MTERF3: variants seen among roughly 807,000 people sequenced by gnomAD.
MTERF3 encodes transcription termination factor 3, mitochondrial.
MTERF3 carries 40 observed loss-of-function variants against 40.5 expected under a neutral mutation model. The ratio of observed to expected loss-of-function variants is 0.99; its 90% CI spans 0.77 to 1.29. The LOEUF is 1.29. Ranked by LOEUF, MTERF3 falls within the 50% of genes most tolerant of loss-of-function variation. MTERF3 has a pLI of 0.00. For missense variants in MTERF3, 452 were observed against 478.2 expected (o/e 0.95, Z 0.51); for synonymous variants, 158 against 166.6 (o/e 0.95, Z 0.40).
rs141059975 is a variant in MTERF3 at position 96,241,460 on chromosome 8, G to A, written c.1060-1775C>T. Among the ~76,000 whole-genome samples, 37 of 151,722 alleles carry A rather than the reference G, an allele frequency of 2.4e-4. No individual in the cohort carries two copies. The East Asian group carries it at 7.1e-3, about 29-fold the overall frequency. On this transcript the variant is annotated intron_variant, in intron 7 of 7. Transcript: ENST00000287025. The stretch of plus-strand genomic sequence containing the variant: ...AAAAAAAAACTATCACCCAACAACA[G>A]ACAAAACCACAAATGGTTCTGGTGC...
chr8:96,244,659 C>T (rs1809991575), intron 6 of MTERF3, among the ~76,000 whole-genome samples: 3 of 151,958 alleles, frequency 2.0e-5, no homozygotes, highest in Admixed American at 2.0e-4. Flanking sequence ...CCTCGGCCTC[C>T]CATGCCAGGG....
Position 96,256,953 on chromosome 8 carries a change from CAA to C in MTERF3, c.487+7_487+8del, listed in dbSNP as rs1810289984. ...ATGCAAAAAGTACTTGTAGTTTAGT[CAA>C]ACTTACCTAGAAGAACCAACTTCTG... On this transcript the variant is annotated splice_region_variant and intron_variant, in intron 3 of 7. Coordinates refer to ENST00000287025, the MANE Select transcript of MTERF3 (RefSeq NM_015942.5). 1 of 1,590,288 alleles carries C rather than the reference CAA, an allele frequency of 6.3e-7. No individual in the cohort carries two copies. The highest frequency in any genetic ancestry group is 8.5e-7 in the Non-Finnish European group (1 of 1,173,070).
intron 2 of MTERF3, 194 bp downstream of exon 2, chr8:96,258,163 C>A: frequency 1.2e-6 from 1 of 803,044 alleles, no homozygotes; most frequent in Non-Finnish European, 1.5e-6. Flanking sequence ...AATAATCTTA[C>A]ACGTTAGCCC....
chr8:96,254,558 G>A (rs1256019119), intron 3 of MTERF3, among the ~76,000 whole-genome samples: 2 of 152,118 alleles, frequency 1.3e-5, no homozygotes, highest in East Asian at 1.9e-4. Flanking sequence ...AGGTTCATCC[G>A]TGTTGTTGCA....
intron 4 of MTERF3, among the ~76,000 whole-genome samples, chr8:96,250,662 GAAGAAGA>G (rs1810150458): frequency 3.1e-5 from 1 of 32,608 alleles, no homozygotes; most frequent in Admixed American, 2.9e-4. Flanking sequence ...AGAAGAAGAA[GAAGAAGA>G]AGAAGAAGAA....
Position 96,243,932 on chromosome 8 carries a change from A to C in MTERF3, c.1046T>G (p.Val349Gly). ...GAGTGGCATTACCTGTGGGAACTTG[A>C]CAATGATGTGGTGGGGAATGCTCAT... ...NVMSIPHHII[V>G]KFPQVFNTRL... is the part of the protein sequence containing the mutation. The change falls in exon 7 of 8, where the codon GTC becomes GGC. Residue 349 changes from valine to glycine, a missense_variant. Transcript: ENST00000287025. 6.2e-7 allele frequency: 1 copy of C among 1,613,882 alleles called. No individual in the cohort carries two copies. The highest frequency in any genetic ancestry group is 2.2e-5 in the East Asian group (1 of 44,870).
chr8:96,261,469 C>T (rs1266599967), intron 1 of MTERF3, 32 bp downstream of exon 1: 1 of 152,544 alleles, frequency 6.6e-6, no homozygotes, highest in Non-Finnish European at 1.5e-5. Context: ...GCCAGGAGCG[C>T]GATCCTCGTG....
Position 96,256,957 on chromosome 8 carries a change from C to G in MTERF3, c.487+5G>C, listed in dbSNP as rs762477508. 5.7e-6 allele frequency: 9 copies of G among 1,592,434 alleles called. No homozygotes were observed. Among genetic ancestry groups the G allele is most frequent in the Admixed American group, 1.9e-5 (1 of 53,852 alleles). On this transcript the variant is annotated splice_donor_5th_base_variant and intron_variant, in intron 3 of 7. Coordinates refer to ENST00000287025, the MANE Select transcript of MTERF3 (RefSeq NM_015942.5). Reference sequence around the variant, plus strand: ...AAAAAGTACTTGTAGTTTAGTCAAACTTACCTAGAAGAACCAACTTCTGCA... The same window carrying G: ...AAAAAGTACTTGTAGTTTAGTCAAAGTTACCTAGAAGAACCAACTTCTGCA...
At position 96,254,347 on chromosome 8, in the gene MTERF3, G is replaced by A. The variant is rs1810243620; in HGVS notation, c.487+2615C>T. On this transcript the variant is annotated intron_variant, in intron 3 of 7. Coordinates refer to ENST00000287025, the MANE Select transcript of MTERF3 (RefSeq NM_015942.5). Reference sequence around the variant, plus strand: ...CATTATTATTAACTACCATCATCATGCTGGACAATAGATCTCCAAAACTTA... The same window carrying A: ...CATTATTATTAACTACCATCATCATACTGGACAATAGATCTCCAAAACTTA... Among the ~76,000 whole-genome samples, 3 of 152,068 alleles carry A rather than the reference G, an allele frequency of 2.0e-5. No individual in the cohort carries two copies. The South Asian group carries it at 6.2e-4, about 32-fold the overall frequency.
intron 6 of MTERF3, among the ~76,000 whole-genome samples, chr8:96,244,894 C>T (rs953564441): frequency 1.7e-4 from 26 of 152,162 alleles, no homozygotes; most frequent in African/African-American, 4.3e-4. Context: ...GACATGGGAG[C>T]GCTGCAGGTC....
intron 4 of MTERF3, among the ~76,000 whole-genome samples, chr8:96,249,470 T>C (rs934057185): frequency 3.9e-5 from 6 of 152,238 alleles, no homozygotes; most frequent in Non-Finnish European, 2.9e-5. Context: ...TTCTGTATTG[T>C]GATAGACTAT....
intron 3 of MTERF3, among the ~76,000 whole-genome samples, chr8:96,252,692 G>T (rs1216293482): frequency 6.6e-6 from 1 of 152,182 alleles, no homozygotes. Flanking sequence ...ATGAAAACCA[G>T]TTCCAAAAAT....
rs140508000 is a variant in MTERF3, at chr8:96,257,034, A to G, written c.415T>C (p.Leu139=). ...EAIQIIADPP[L]PPASFTLRDY... ...CGAAGTGTGAATGAAGCTGGTGGCA[A>G]TGGAGGGTCTGCAATAATCTGAATA... The change falls in exon 3 of 8, where the codon TTG becomes CTG. Residue 139 remains leucine (L), a synonymous_variant. Coordinates refer to ENST00000287025, the MANE Select transcript of MTERF3 (RefSeq NM_015942.5). 301 of 1,614,076 alleles carry G rather than the reference A, an allele frequency of 1.9e-4. 1 individual carries two copies. The African/African-American group carries it at 3.0e-3, about 16-fold the overall frequency.
intron 7 of MTERF3, among the ~76,000 whole-genome samples, chr8:96,241,342 G>A (rs35335025): frequency 0.068 from 10,327 of 151,516 alleles, 383 homozygotes; most frequent in Non-Finnish European, 0.083. Context: ...CCCGGGAGGC[G>A]GCGGTTGCAC....
chr8:96,258,256 C>T lies in MTERF3; in HGVS notation c.334+101G>A, dbSNP rs1810316774. On this transcript the variant is annotated intron_variant, in intron 2 of 7. Transcript: ENST00000287025. ...TGGTATTATTCTTTTTCTTTCTTGGCACAAAATATTACCTGAAATGGGCTA... is the reference window on the plus strand; with the variant it reads ...TGGTATTATTCTTTTTCTTTCTTGGTACAAAATATTACCTGAAATGGGCTA... 3 of 1,430,140 alleles carry T rather than the reference C, an allele frequency of 2.1e-6. No homozygotes were observed. In the Admixed American group the frequency reaches 8.5e-5, roughly 41 times the overall value. 88.6% of individuals were successfully genotyped at this position (1,430,140 alleles called of 1,614,324 possible). A position where few individuals can be genotyped will look rare whatever the true frequency, so the allele number is the denominator to read the frequency against.
At chr8:96,250,649 A>AGAGGAAGAAGAG (rs1810145257) in intron 4 of MTERF3, among the ~76,000 whole-genome samples, 1 of 34,682 alleles carries the variant, frequency 2.9e-5, no homozygotes, top group South Asian at 1.6e-3. Context: ...AAGAAGAAGA[A>AGAGGAAGAAGAG]GAAGAAGAAG....
chr8:96,250,673 A>AGAAGAAGAAGAAGAAGAG lies in MTERF3; in HGVS notation c.677+232_677+233insCTCTTCTTCTTCTTCTTC, dbSNP rs1563549026. On this transcript the variant is annotated intron_variant, in intron 4 of 7. Transcript: ENST00000287025. ...AAGAAGAAGAAGAAGAAGAAGAAGA[A>AGAAGAAGAAGAAGAAGAG]GAAGAAGAAGGAGGAGGAGGAGGGG... is the stretch of plus-strand genomic sequence containing the variant. 7.5e-5 allele frequency among the ~76,000 whole-genome samples: 3 copies of AGAAGAAGAAGAAGAAGAG among 40,074 alleles called. 1 individual carries two copies. Among genetic ancestry groups the AGAAGAAGAAGAAGAAGAG allele is most frequent in the Non-Finnish European group, 1.4e-4 (3 of 21,644 alleles). The allele number at this position is 40,074 out of a possible 152,430, so 26.3% of individuals were successfully genotyped here. A position where few individuals can be genotyped will look rare whatever the true frequency, so the allele number is the denominator to read the frequency against.
intron 4 of MTERF3, among the ~76,000 whole-genome samples, chr8:96,250,673 A>AGAAGAAGAAGAAGAAGAAGAAGAG (rs1563549026): frequency 5.0e-5 from 2 of 40,074 alleles, no homozygotes; most frequent in African/African-American, 3.2e-4. Context: ...AAGAAGAAGA[A>AGAAGAAGAAGAAGAAGAAGAAGAG]GAAGAAGAAG....
At chr8:96,260,532 GC>G (rs1810364557) in intron 1 of MTERF3, among the ~76,000 whole-genome samples, 1 of 152,018 alleles carries the variant, frequency 6.6e-6, no homozygotes, top group African/African-American at 2.4e-5. Flanking sequence ...GATTCTTAAG[GC>G]CCCTATCAGC....
Sources: gnomAD v4.1 joint callset for allele counts (sites outside exome capture counted in the v4.1 genomes callset) on GRCh38, gnomAD v4.1.1 for gene constraint, MANE v1.5 for transcripts, NCBI Gene and HGNC (gene_info 2026-07-23, HGNC 2026-07-21) for gene names.